The following SLC17A7 variants were observed in gnomAD, a reference collection of about 807,000 sequenced individuals.
SLC17A7 encodes vesicular glutamate transporter 1.
A neutral mutation model predicts 59.1 loss-of-function variants in SLC17A7; 15 were observed. The ratio of observed to expected loss-of-function variants is 0.25; its 90% CI spans 0.17 to 0.39. The LOEUF (loss-of-function observed/expected upper bound fraction) is 0.39. SLC17A7 is among the 10% of genes least tolerant of loss of function. The pLI is 1.00. For missense variants in SLC17A7, 499 were observed against 765.1 expected (o/e 0.65, Z 4.10); for synonymous variants, 353 against 308.9 (o/e 1.14, Z -1.50).
chr19:49,438,249 G>C (rs1030862845), intron 1 of SLC17A7: 1 of 152,490 alleles, frequency 6.6e-6, no homozygotes, highest in Non-Finnish European at 1.5e-5. Flanking sequence ...GTCCCAAAGA[G>C]AGGCGGGGAC....
chr19:49,434,959 G>T, intron 3 of SLC17A7, 77 bp from the exon 4 acceptor site: 1 of 1,428,722 alleles, frequency 7.0e-7, no homozygotes, highest in Non-Finnish European at 9.8e-7. Context: ...CCCACAGCAA[G>T]CTAGGCCCAG....
chr19:49,433,618 A>G lies in SLC17A7; in HGVS notation c.867+108T>C, dbSNP rs753182127. 6.7e-7 allele frequency: 1 copy of G among 1,503,394 alleles called. No individual in the cohort carries two copies. The highest frequency in any genetic ancestry group is 1.8e-5 in the Admixed American group (1 of 55,770). 93.1% of individuals were successfully genotyped at this position (1,503,394 alleles called of 1,614,324 possible). A position where few individuals can be genotyped will look rare whatever the true frequency, so the allele number is the denominator to read the frequency against. ...GTTCTAGCCCCTCTCTTTGCGTTCC[A>G]GTCCCGTCTCCTCTAGAGTCTGCAG... On this transcript the variant is annotated intron_variant, in intron 7 of 11. Coordinates refer to ENST00000221485, the MANE Select transcript of SLC17A7 (RefSeq NM_020309.4). This position sits in a 1 kb window ranked among gnomAD's most constrained non-coding sequence, Gnocchi z 5.7.
Position 49,432,849 on chromosome 19 carries a change from C to G in SLC17A7, c.979G>C (p.Ala327Pro). The G allele has an allele frequency of 6.3e-7, 1 of 1,591,538 alleles. No homozygotes were observed. Among genetic ancestry groups the G allele is most frequent in the Non-Finnish European group, 8.6e-7 (1 of 1,168,648 alleles). ...TFYLLLISQP[A>P]YFEEVFGFEI... is the part of the protein sequence containing the mutation. ...AAGCCGAACACTTCTTCGAAGTAGG[C>G]GGGCTGGGAGATGAGCAGCAGGTAG... The change falls in exon 8 of 12, where the codon GCC becomes CCC. Residue 327 changes from alanine (A) to proline (P), a missense_variant. Ala to Pro is a conservative substitution (Grantham distance 27). Transcript: ENST00000221485.
In SLC17A7 at chr19:49,429,575, A is replaced by G. The variant is rs973178687; in HGVS notation, c.*944T>C. 2.5e-6 allele frequency: 1 copy of G among 399,012 alleles called. No individual in the cohort carries two copies. The highest frequency in any genetic ancestry group is 4.4e-6 in the Non-Finnish European group (1 of 226,076). The allele number at this position is 399,012 out of a possible 1,614,324, so 24.7% of individuals were successfully genotyped here. A position where few individuals can be genotyped will look rare whatever the true frequency, so the allele number is the denominator to read the frequency against. On this transcript the variant is annotated 3_prime_UTR_variant, in exon 12 of 12. Transcript: ENST00000221485. ...GGTTCCCCAAATTCTAAGCTGAAAG[A>G]GGGGTGTCTGAGAGGGGAAGGATCC... is the stretch of plus-strand genomic sequence containing the variant.
chr19:49,435,004 G>GA, intron 3 of SLC17A7, 122 bp from the exon 4 acceptor site: 1 of 1,045,752 alleles, frequency 9.6e-7, no homozygotes, highest in Non-Finnish European at 1.5e-6. Flanking sequence ...CCACCTCTCT[G>GA]ACTTACACCT....
intron 7 of SLC17A7, 37 bp from the exon 8 acceptor site, chr19:49,432,997 C>G: frequency 6.3e-7 from 1 of 1,583,090 alleles, no homozygotes; most frequent in Non-Finnish European, 8.6e-7. Context: ...AGACGGGGAG[C>G]GGGGCTGAGG....
chr19:49,433,852 G>C lies in SLC17A7; in HGVS notation c.741C>G (p.Phe247Leu). ...VFYVYGSFGI[F>L]WYLFWLLVSY... ...AGACGAGCAGCCAGAACAGGTACCAGAAGATCCCGAAGCTGCCTGGGGGGG... is the reference window on the plus strand; with the variant it reads ...AGACGAGCAGCCAGAACAGGTACCACAAGATCCCGAAGCTGCCTGGGGGGG... Residue 247 changes from phenylalanine to leucine, a missense_variant, in exon 7 of 12, where the codon TTC becomes TTG. By Grantham distance (22) the Phe-to-Leu change is conservative. This residue lies in a region of SLC17A7 where 323 missense variants were observed against 607.2 expected (regional missense o/e 0.53). Transcript: ENST00000221485. This position sits in a 1 kb window ranked among gnomAD's most constrained non-coding sequence, Gnocchi z 5.7. The C allele has an allele frequency of 6.2e-7, 1 of 1,611,796 alleles. No individual in the cohort carries two copies. Among genetic ancestry groups the C allele is most frequent in the South Asian group, 1.1e-5 (1 of 90,952 alleles).
chr19:49,432,662 AG>A lies in SLC17A7; in HGVS notation c.1018-12del. The A allele has an allele frequency of 6.9e-7, 1 of 1,458,220 alleles. No homozygotes were observed. Among genetic ancestry groups the A allele is most frequent in the Non-Finnish European group, 9.0e-7 (1 of 1,109,562 alleles). 90.3% of individuals were successfully genotyped at this position (1,458,220 alleles called of 1,614,324 possible). A position where few individuals can be genotyped will look rare whatever the true frequency, so the allele number is the denominator to read the frequency against. Reference sequence around the variant, plus strand: ...GGACACCAGGCCTACCTGCGGGAACAGGTGTACAGGGACACTAGGGTTCGGG... The same window carrying A: ...GGACACCAGGCCTACCTGCGGGAACAGTGTACAGGGACACTAGGGTTCGGG... On this transcript the variant is annotated splice_polypyrimidine_tract_variant and intron_variant, in intron 8 of 11. Transcript: ENST00000221485.
At chr19:49,439,364 C>A (rs2078991370) in intron 1 of SLC17A7, among the ~76,000 whole-genome samples, 1 of 152,202 alleles carries the variant, frequency 6.6e-6, no homozygotes, top group Non-Finnish European at 1.5e-5. Context: ...TGGCCCTCGG[C>A]ATCCCCCTGC....
At chr19:49,441,052 G>C (rs1468655457) in intron 1 of SLC17A7, among the ~76,000 whole-genome samples, 1 of 152,120 alleles carries the variant, frequency 6.6e-6, no homozygotes, top group Non-Finnish European at 1.5e-5. Flanking sequence ...AGTGGTGGGG[G>C]AGGAGCCAGA....
chr19:49,439,459 C>G (rs1332546150), intron 1 of SLC17A7, among the ~76,000 whole-genome samples: 1 of 152,094 alleles, frequency 6.6e-6, no homozygotes, highest in Admixed American at 6.5e-5. Flanking sequence ...TCCAAGTCAC[C>G]CTGGGTGCAA....
chr19:49,436,990 G>A lies in SLC17A7; in HGVS notation c.63-189C>T. ...ATCCAGAAATCCTCCATCTCCCTCAGACCGGGAATTCAGGCCCCCAGCCCC... is the reference window on the plus strand; with the variant it reads ...ATCCAGAAATCCTCCATCTCCCTCAAACCGGGAATTCAGGCCCCCAGCCCC... On this transcript the variant is annotated intron_variant, in intron 1 of 11. Coordinates refer to ENST00000221485, the MANE Select transcript of SLC17A7 (RefSeq NM_020309.4). This position sits in a 1 kb window ranked among gnomAD's most constrained non-coding sequence, Gnocchi z 4.1. 1 of 767,260 alleles carries A rather than the reference G, an allele frequency of 1.3e-6. No individual in the cohort carries two copies. The highest frequency in any genetic ancestry group is 1.9e-5 in the South Asian group (1 of 52,818). 47.5% of individuals were successfully genotyped at this position (767,260 alleles called of 1,614,324 possible). A position where few individuals can be genotyped will look rare whatever the true frequency, so the allele number is the denominator to read the frequency against.
chr19:49,436,448 G>A lies in SLC17A7; in HGVS notation c.315+101C>T. 6.8e-7 allele frequency: 1 copy of A among 1,470,784 alleles called. No individual in the cohort carries two copies. Among genetic ancestry groups the A allele is most frequent in the East Asian group, 2.3e-5 (1 of 43,798 alleles). 91.1% of individuals were successfully genotyped at this position (1,470,784 alleles called of 1,614,324 possible). ...CTATTCCGACAGCGTTTCGGAAGGG[G>A]CGTGGCCTGGACGTCTGGTGGGTGA... On this transcript the variant is annotated intron_variant, in intron 2 of 11. Transcript: ENST00000221485. This position sits in a 1 kb window ranked among gnomAD's most constrained non-coding sequence, Gnocchi z 4.1.
At chr19:49,432,164 C>T (rs1045682184) in intron 9 of SLC17A7, among the ~76,000 whole-genome samples, 3 of 152,188 alleles carry the variant, frequency 2.0e-5, no homozygotes, top group Non-Finnish European at 2.9e-5. Flanking sequence ...GACCCTGTCT[C>T]TCCAGGTGCC....
intron 1 of SLC17A7, among the ~76,000 whole-genome samples, chr19:49,438,973 A>G (rs546780630): frequency 1.3e-5 from 2 of 152,308 alleles, no homozygotes; most frequent in East Asian, 3.9e-4. Context: ...CAATCATTTT[A>G]GAGCAAGAGG....
At chr19:49,434,953 C>T in intron 3 of SLC17A7, 71 bp from the exon 4 acceptor site, 1 of 1,484,526 alleles carries the variant, frequency 6.7e-7, no homozygotes, top group Non-Finnish European at 9.4e-7. Flanking sequence ...TTCCCGCCCA[C>T]AGCAAGCTAG....
At position 49,430,428 on chromosome 19, in the gene SLC17A7, G is replaced by C. The variant is rs1193364400; in HGVS notation, c.*91C>G. The C allele has an allele frequency of 1.1e-5, 10 of 919,648 alleles. No homozygotes were observed. In the African/African-American group the frequency reaches 1.5e-4, roughly 14 times the overall value. 57.0% of individuals were successfully genotyped at this position (919,648 alleles called of 1,614,324 possible). ...TGCTTCTTAGGCCTGAGGCAGGACA[G>C]AGAGGAGCAGGGTTCCTTGACACTG... On this transcript the variant is annotated 3_prime_UTR_variant, in exon 12 of 12. Transcript: ENST00000221485.
At chr19:49,440,467 G>C (rs992277034) in intron 1 of SLC17A7, among the ~76,000 whole-genome samples, 1 of 152,162 alleles carries the variant, frequency 6.6e-6, no homozygotes, top group South Asian at 2.1e-4. Flanking sequence ...AGGGACACTC[G>C]GTTCACTGGG....
In SLC17A7 at chr19:49,431,752, T is replaced by C; in HGVS notation, c.1151-304A>G. On this transcript the variant is annotated intron_variant, in intron 9 of 11. Coordinates refer to ENST00000221485, the MANE Select transcript of SLC17A7 (RefSeq NM_020309.4). The surrounding 1 kb of genome is among the most constrained non-coding windows in gnomAD (Gnocchi z 4.6). ...GATCCCTGCTGTGCACGCTCACACC[T>C]TCCCCTCAATCCCCACTCATGAGTT... Among the ~76,000 whole-genome samples, 1 of 149,956 alleles carries C rather than the reference T, an allele frequency of 6.7e-6. No homozygotes were observed. The highest frequency in any genetic ancestry group is 6.6e-5 in the Admixed American group (1 of 15,098).
Sources: gnomAD v4.1 joint callset for allele counts (sites outside exome capture counted in the v4.1 genomes callset) on GRCh38, gnomAD v4.1.1 for gene constraint, gnomAD v4.1.1 regional missense constraint, Gnocchi (gnomAD v3.1) non-coding constraint, MANE v1.5 for transcripts, NCBI Gene and HGNC (gene_info 2026-07-23, HGNC 2026-07-21) for gene names.